The following TENM1 variants were observed in gnomAD, a reference collection of about 807,000 sequenced individuals.
TENM1 encodes the protein teneurin-1.
Under a neutral mutation model 174.8 loss-of-function variants are expected in TENM1, and 35 were observed. That is an observed-to-expected ratio of 0.20 (90% CI 0.15 to 0.27). The LOEUF (loss-of-function observed/expected upper bound fraction) is 0.27. Ranked by LOEUF, TENM1 falls within the 10% of genes least tolerant of loss-of-function variation. The probability of loss-of-function intolerance (pLI) is 1.00; values close to 1 mark genes in which losing one functional copy is unlikely to be tolerated. For synonymous variants in TENM1, 781 were observed against 798.7 expected (o/e 0.98, Z 0.37); for missense variants, 1,633 against 2,130.1 (o/e 0.77, Z 4.59).
intron 5 of TENM1, among the ~76,000 whole-genome samples, chrX:124,675,958 A>G (rs2148443853): frequency 9.3e-6 from 1 of 107,158 alleles, no homozygotes; most frequent in Non-Finnish European, 1.9e-5. Flanking sequence ...AAAGCCCTGA[A>G]GTCTTACATG....
In TENM1 at chrX:124,585,489, C is replaced by A. The variant is rs781372184; in HGVS notation, c.2078-19929G>T. On this transcript the variant is annotated intron_variant, in intron 11 of 31. Coordinates refer to ENST00000422452, the Ensembl canonical transcript of TENM1. ...AATAAAGATGTTCTTTGAAACCAACCAGAACAAAGACACAACATACCAGAA... is the reference window on the plus strand; with the variant it reads ...AATAAAGATGTTCTTTGAAACCAACAAGAACAAAGACACAACATACCAGAA... Among the ~76,000 whole-genome samples the A allele has an allele frequency of 2.3e-4, 25 of 111,014 alleles. No homozygotes were observed. The South Asian group carries it at 4.6e-3, about 20-fold the overall frequency.
At chrX:124,778,513 C>T (rs750544072) in intron 3 of TENM1, among the ~76,000 whole-genome samples, 4 of 112,059 alleles carry the variant, frequency 3.6e-5, no homozygotes, top group Admixed American at 9.5e-5. Flanking sequence ...AATTTTAGTG[C>T]AAAAATTTGC....
intron 4 of TENM1, among the ~76,000 whole-genome samples, chrX:124,711,232 C>G (rs2053041905): frequency 9.1e-6 from 1 of 110,198 alleles, no homozygotes; most frequent in Non-Finnish European, 1.9e-5. Context: ...ATGATGAGAC[C>G]CAGTGGTGGT....
chrX:124,527,794 G>C lies in TENM1; in HGVS notation c.2771+2070C>G, dbSNP rs753362756. Reference sequence around the variant, plus strand: ...CACCCGAGTAGCTGGGACTACAGGCGCCCGCCACCACGCCCAGCTATTTTT... The same window carrying C: ...CACCCGAGTAGCTGGGACTACAGGCCCCCGCCACCACGCCCAGCTATTTTT... On this transcript the variant is annotated intron_variant, in intron 16 of 31. Transcript: ENST00000422452. 6.0e-3 allele frequency among the ~76,000 whole-genome samples: 613 copies of C among 102,632 alleles called. 2 individuals carry two copies. Among genetic ancestry groups the C allele is most frequent in the African/African-American group, 0.021 (576 of 27,959 alleles). 89.1% of individuals were successfully genotyped at this position (102,632 alleles called of 115,157 possible). A position where few individuals can be genotyped will look rare whatever the true frequency, so the allele number is the denominator to read the frequency against.
chrX:124,471,376 TA>T (rs1474482212), intron 22 of TENM1, among the ~76,000 whole-genome samples: 2,987 of 37,984 alleles, frequency 0.079, 446 homozygotes, highest in Middle Eastern at 0.25. Flanking sequence ...CTATATATTA[TA>T]ATATATAGTA....
At chrX:125,180,949 C>T in the TENM1 span, among the ~76,000 whole-genome samples, 8 of 111,661 alleles carry the variant, frequency 7.2e-5, no homozygotes, top group African/African-American at 2.6e-4. Flanking sequence ...CACTCACATG[C>T]CTGGTCCTAG....
At chrX:124,513,820 TC>T (rs1195300665) in intron 18 of TENM1, among the ~76,000 whole-genome samples, 1 of 112,287 alleles carries the variant, frequency 8.9e-6, no homozygotes, top group Non-Finnish European at 1.9e-5. Context: ...CTTATGGAGC[TC>T]ACAATCCATC....
At chrX:124,851,445 G>A (rs1320619069) in intron 3 of TENM1, among the ~76,000 whole-genome samples, 1 of 111,323 alleles carries the variant, frequency 9.0e-6, no homozygotes, top group African/African-American at 3.3e-5. Flanking sequence ...GTATCTAAGG[G>A]GCATGTATGT....
chrX:124,409,448 C>T (rs1249301414), intron 25 of TENM1, among the ~76,000 whole-genome samples: 3 of 108,208 alleles, frequency 2.8e-5, no homozygotes, highest in African/African-American at 1.0e-4. Flanking sequence ...GAAGCATTCC[C>T]TTTGAAAACT....
the TENM1 span, among the ~76,000 whole-genome samples, chrX:125,045,356 T>A: frequency 9.0e-6 from 1 of 111,550 alleles, no homozygotes; most frequent in East Asian, 2.8e-4. Context: ...TGTTTTCTAA[T>A]GGTTAGTTCT....
chrX:124,888,934 G>A (rs1043330265), intron 3 of TENM1, among the ~76,000 whole-genome samples: 2 of 112,157 alleles, frequency 1.8e-5, no homozygotes, highest in Non-Finnish European at 3.8e-5. Flanking sequence ...GTAAATGGCA[G>A]AACTAGTGCA....
intron 11 of TENM1, among the ~76,000 whole-genome samples, chrX:124,590,562 A>C (rs978904202): frequency 6.3e-5 from 7 of 111,657 alleles, no homozygotes; most frequent in Non-Finnish European, 1.3e-4. Flanking sequence ...TGCCCAAGGT[A>C]ATTTGATTTC....
In TENM1 at chrX:124,539,143, A is replaced by T. The variant is rs1287877451; in HGVS notation, c.2651+7731T>A. Among the ~76,000 whole-genome samples, 3 of 111,901 alleles carry T rather than the reference A, an allele frequency of 2.7e-5. No individual in the cohort carries two copies. The East Asian group carries it at 8.4e-4, about 31-fold the overall frequency. On this transcript the variant is annotated intron_variant, in intron 15 of 31. Transcript: ENST00000422452. The stretch of plus-strand genomic sequence containing the variant: ...TTGTTTTACTTTTCCATTGCACATT[A>T]TGTCACAGAATTTTGATTCAACAGG...
chrX:124,640,475 T>C lies in TENM1; in HGVS notation c.2077+1316A>G, dbSNP rs577751497. ...CATTTTACATCTTTAACAAAATTCA[T>C]AGGCAGAGGCTTTCTAAGAGTTACC... On this transcript the variant is annotated intron_variant, in intron 11 of 31. Transcript: ENST00000422452. 1.3e-4 allele frequency among the ~76,000 whole-genome samples: 15 copies of C among 112,199 alleles called. No homozygotes were observed. In the South Asian group the frequency reaches 5.6e-3, roughly 42 times the overall value.
At chrX:124,689,379 G>A (rs918470376) in intron 5 of TENM1, among the ~76,000 whole-genome samples, 1 of 112,046 alleles carries the variant, frequency 8.9e-6, no homozygotes, top group Non-Finnish European at 1.9e-5. Flanking sequence ...TTACTCAAAT[G>A]TCCAACAAAT....
chrX:124,431,274 C>G (rs1040277591), intron 23 of TENM1, among the ~76,000 whole-genome samples: 10 of 112,476 alleles, frequency 8.9e-5, no homozygotes, highest in African/African-American at 3.2e-4. Context: ...CCCAAAAGGT[C>G]CTGCCTCCCC....
upstream of TENM1, among the ~76,000 whole-genome samples, chrX:124,967,013 T>G (rs1202262520): frequency 9.0e-6 from 1 of 111,301 alleles, no homozygotes; most frequent in Non-Finnish European, 1.9e-5. Flanking sequence ...ATATACACAA[T>G]AAGTAAACAA....
Position 124,380,449 on chromosome X carries a change from G to C in TENM1, c.*87C>G. 4.3e-6 allele frequency: 4 copies of C among 924,333 alleles called. No homozygotes were observed. The South Asian group carries it at 1.0e-4, about 23-fold the overall frequency. The allele number at this position is 924,333 out of a possible 1,213,427, so 76.2% of individuals were successfully genotyped here. The stretch of plus-strand genomic sequence containing the variant: ...TTTCCTCCATATTTACATATACAGA[G>C]TTCTGATCTAGAAAACCAATACAAT... On this transcript the variant is annotated 3_prime_UTR_variant, in exon 32 of 32. Transcript: ENST00000422452.
At chrX:124,478,127 C>T (rs1169780087) in intron 22 of TENM1, among the ~76,000 whole-genome samples, 1 of 112,353 alleles carries the variant, frequency 8.9e-6, no homozygotes, top group Non-Finnish European at 1.9e-5. Flanking sequence ...CTTCAGTTTA[C>T]AACTGAAGAA....
Sources: allele counts gnomAD v4.1 joint callset (sites outside exome capture counted in the v4.1 genomes callset), GRCh38; gene constraint gnomAD v4.1.1; transcripts MANE v1.5; gene names NCBI Gene and HGNC (gene_info 2026-07-23, HGNC 2026-07-21).